Variants in CLCA2 observed in about 807,000 individuals in gnomAD.
CLCA2 encodes the protein chloride channel accessory 2, also known as calcium-activated chloride channel regulator 2.
CLCA2 carries 85 observed loss-of-function variants against 82.9 expected under a neutral mutation model. That is an observed-to-expected ratio of 1.03 (90% confidence interval 0.86 to 1.23). The LOEUF is 1.23. Among genes scored for constraint, CLCA2 ranks in the 50% most tolerant of loss-of-function variants. The pLI, the probability that CLCA2 is intolerant of heterozygous loss-of-function variation, is 0.00. For synonymous variants in CLCA2, 421 were observed against 391.7 expected (o/e 1.07, Z -0.88); for missense variants, 1,089 against 1,124.8 (o/e 0.97, Z 0.45).
At chr1:86,454,625 C>G (rs944146357) in intron 13 of CLCA2, among the ~76,000 whole-genome samples, 3 of 152,078 alleles carry the variant, frequency 2.0e-5, no homozygotes, top group African/African-American at 7.2e-5. Flanking sequence ...AACCCCGTCT[C>G]TACTAAAAAT....
At chr1:86,425,305 T>C (rs1489928301) in intron 1 of CLCA2, 34 bp from the exon 2 acceptor site, 4 of 1,491,448 alleles carry the variant, frequency 2.7e-6, no homozygotes, top group African/African-American at 1.4e-5. Context: ...GATTTACAAG[T>C]GGTAAAGTAA....
In CLCA2 at chr1:86,455,230, G is replaced by A. The variant is rs75217405; in HGVS notation, c.2535G>A (p.Thr845=). The change falls in exon 14 of 14, where the codon ACG becomes ACA. Residue 845 remains threonine, a synonymous_variant. Coordinates refer to ENST00000370565, the MANE Select transcript of CLCA2 (RefSeq NM_006536.7). ...EIFTFSPQIS[T]NGPEHQPNGE... is the part of the protein sequence containing the mutation. Reference sequence around the variant, plus strand: ...TTACGTTCTCACCCCAAATTTCCACGAATGGACCTGAACATCAGCCAAATG... The same window carrying A: ...TTACGTTCTCACCCCAAATTTCCACAAATGGACCTGAACATCAGCCAAATG... The A allele has an allele frequency of 3.0e-3, 4,864 of 1,614,020 alleles. 152 individuals carry two copies. The African/African-American group carries it at 0.056, about 19-fold the overall frequency.
chr1:86,443,116 T>G (rs1451430946), intron 9 of CLCA2, among the ~76,000 whole-genome samples: 2 of 151,804 alleles, frequency 1.3e-5, no homozygotes, highest in Admixed American at 1.3e-4. Context: ...AGCCTCCACC[T>G]CCTTGGTTCA....
chr1:86,432,351 TTC>T lies in CLCA2; in HGVS notation c.585-14_585-13del. 1 of 1,610,894 alleles carries T rather than the reference TTC, an allele frequency of 6.2e-7. No individual in the cohort carries two copies. The highest frequency in any genetic ancestry group is 8.5e-7 in the Non-Finnish European group (1 of 1,179,238). Reference sequence around the variant, plus strand: ...TTCTAAAATAGACCTAATTCCCAGTTTCTCTTTCCATTTTTAGGTGTTCATCT... The same window carrying T: ...TTCTAAAATAGACCTAATTCCCAGTTTCTTTCCATTTTTAGGTGTTCATCT... On this transcript the variant is annotated splice_polypyrimidine_tract_variant and intron_variant, in intron 4 of 13. Transcript: ENST00000370565.
At chr1:86,447,415 A>G (rs756938167) in intron 10 of CLCA2, 93 bp from the exon 11 acceptor site, 255 of 1,372,624 alleles carry the variant, frequency 1.9e-4, no homozygotes, top group Non-Finnish European at 2.4e-4. Flanking sequence ...CAACAAAACA[A>G]GAGCAAAATT....
chr1:86,445,409 A>T (rs1558115690), intron 10 of CLCA2: 1 of 116,538 alleles, frequency 8.6e-6, no homozygotes, highest in African/African-American at 3.4e-5. Flanking sequence ...TTTATTCCAG[A>T]TGGGAGGCTG....
In CLCA2 at chr1:86,430,884, G is replaced by T. The variant is rs570422361; in HGVS notation, c.498G>T (p.Trp166Cys). 6.2e-7 allele frequency: 1 copy of T among 1,613,282 alleles called. No homozygotes were observed. The highest frequency in any genetic ancestry group is 1.3e-5 in the African/African-American group (1 of 74,978). ...CAGGCCGAGTGTTTGTCCATGAATG[G>T]GCCCACCTCCGTTGGGGTGTGTTCG... ...GSRGRVFVHE[W>C]AHLRWGVFDE... Residue 166 changes from tryptophan to cysteine, a missense_variant, in exon 4 of 14, where the codon TGG becomes TGT. Coordinates refer to ENST00000370565, the MANE Select transcript of CLCA2 (RefSeq NM_006536.7).
chr1:86,435,603 G>A (rs1379662315), intron 6 of CLCA2, among the ~76,000 whole-genome samples: 1 of 152,150 alleles, frequency 6.6e-6, no homozygotes, highest in Non-Finnish European at 1.5e-5. Context: ...TGTGTAATAT[G>A]TCTTCGTTAT....
chr1:86,447,054 C>G (rs1228518306), intron 10 of CLCA2, among the ~76,000 whole-genome samples: 2 of 152,050 alleles, frequency 1.3e-5, no homozygotes, highest in African/African-American at 4.8e-5. Flanking sequence ...ATGTTGTTGC[C>G]TTTTTAGTCC....
At chr1:86,448,001 G>A (rs1662890485) in intron 11 of CLCA2, 1 of 565,064 alleles carries the variant, frequency 1.8e-6, no homozygotes, top group Non-Finnish European at 3.1e-6. Context: ...CTATGTTTGA[G>A]CAAAGGGTGG....
intron 6 of CLCA2, 133 bp from the exon 7 acceptor site, chr1:86,438,743 C>A: frequency 1.4e-6 from 1 of 720,464 alleles, no homozygotes. Flanking sequence ...TTATGTTACT[C>A]TTTAAAGCTC....
chr1:86,441,399 C>T (rs1198343845), intron 8 of CLCA2, 38 bp from the exon 9 acceptor site: 1 of 1,176,050 alleles, frequency 8.5e-7, no homozygotes, highest in Non-Finnish European at 1.2e-6. Context: ...TTTTATTTTA[C>T]CCATTTTAAT....
intron 11 of CLCA2, among the ~76,000 whole-genome samples, chr1:86,449,599 A>G (rs1662920245): frequency 6.6e-6 from 1 of 152,020 alleles, no homozygotes. Context: ...ATTTAAATAT[A>G]CTCCTGCTTT....
In CLCA2 at chr1:86,432,267, C is replaced by G. The variant is rs185151505; in HGVS notation, c.585-102C>G. 61 of 1,378,510 alleles carry G rather than the reference C, an allele frequency of 4.4e-5. No individual in the cohort carries two copies. The African/African-American group carries it at 8.9e-4, about 20-fold the overall frequency. The allele number at this position is 1,378,510 out of a possible 1,614,324, so 85.4% of individuals were successfully genotyped here. On this transcript the variant is annotated intron_variant, in intron 4 of 13. Coordinates refer to ENST00000370565, the MANE Select transcript of CLCA2 (RefSeq NM_006536.7). ...GCAGTTTTTAAAGTTTTGTATATATCTAGCAGGCTACAATCCTTGTAATAA... is the reference window on the plus strand; with the variant it reads ...GCAGTTTTTAAAGTTTTGTATATATGTAGCAGGCTACAATCCTTGTAATAA...
rs1248107855 is a variant in CLCA2 at position 86,430,852 on chromosome 1, T to C, written c.476-10T>C. 1.2e-6 allele frequency: 2 copies of C among 1,610,096 alleles called. No individual in the cohort carries two copies. Among genetic ancestry groups the C allele is most frequent in the African/African-American group, 2.7e-5 (2 of 74,784 alleles). On this transcript the variant is annotated splice_polypyrimidine_tract_variant and intron_variant, in intron 3 of 13. Coordinates refer to ENST00000370565, the MANE Select transcript of CLCA2 (RefSeq NM_006536.7). ...TAGAAGCTCAAAAGCAAAAGTTCTT[T>C]CTTCCGCAGGCCGAGTGTTTGTCCA...
chr1:86,443,160 G>A (rs1232500677), intron 9 of CLCA2, among the ~76,000 whole-genome samples: 2 of 152,004 alleles, frequency 1.3e-5, no homozygotes, highest in African/African-American at 4.8e-5. Context: ...CCGAGCACCT[G>A]GGATTACAGG....
chr1:86,428,802 G>A (rs537253603), intron 3 of CLCA2, among the ~76,000 whole-genome samples: 4 of 152,256 alleles, frequency 2.6e-5, no homozygotes, highest in South Asian at 2.1e-4. Context: ...TCAAGGAAAC[G>A]TCATTTAGAG....
chr1:86,427,126 A>G (rs1214128652), intron 2 of CLCA2, among the ~76,000 whole-genome samples: 3 of 152,298 alleles, frequency 2.0e-5, no homozygotes, highest in South Asian at 4.1e-4. Context: ...TTCCAAGTCT[A>G]CAATGAGATG....
intron 12 of CLCA2, 151 bp from the exon 13 acceptor site, chr1:86,453,218 T>C (rs1663009309): frequency 1.6e-6 from 1 of 613,414 alleles, no homozygotes; most frequent in African/African-American, 1.9e-5. Context: ...AATGGATGAA[T>C]TAGTGTTCAA....
Sources: allele counts gnomAD v4.1 joint callset (sites outside exome capture counted in the v4.1 genomes callset), GRCh38; gene constraint gnomAD v4.1.1; transcripts MANE v1.5; gene names NCBI Gene and HGNC (gene_info 2026-07-23, HGNC 2026-07-21).